Variants in IGSF11 observed in about 807,000 individuals in gnomAD.
IGSF11 encodes immunoglobulin superfamily member 11.
IGSF11 carries 22 observed loss-of-function variants against 41.0 expected under a neutral mutation model. The observed-to-expected ratio is 0.54, with a 90% CI of 0.38 to 0.77. The LOEUF is 0.77. IGSF11 is among the 30% of genes least tolerant of loss of function. The pLI, the probability that IGSF11 is intolerant of heterozygous loss-of-function variation, is 0.00. For synonymous variants in IGSF11, 219 were observed against 201.3 expected (o/e 1.09, Z -0.74); for missense variants, 444 against 530.8 (o/e 0.84, Z 1.61).
chr3:119,048,312 G>T (rs866032477), intron 1 of IGSF11, among the ~76,000 whole-genome samples: 11 of 151,456 alleles, frequency 7.3e-5, no homozygotes, highest in African/African-American at 2.7e-4. Context: ...ATGATAAAGG[G>T]GATATCACCA....
intron 1 of IGSF11, among the ~76,000 whole-genome samples, chr3:119,077,034 A>G (rs1223234587): frequency 6.6e-6 from 1 of 152,226 alleles, no homozygotes; most frequent in African/African-American, 2.4e-5. Flanking sequence ...GTCCACAATG[A>G]TAGACTGGAT....
chr3:118,998,625 T>C (rs1473956361), intron 1 of IGSF11, among the ~76,000 whole-genome samples: 1 of 152,090 alleles, frequency 6.6e-6, no homozygotes, highest in East Asian at 1.9e-4. Flanking sequence ...TATGTCATAT[T>C]TTACTGTATT....
chr3:119,037,585 C>T (rs1017525949), upstream of IGSF11, among the ~76,000 whole-genome samples: 22 of 152,134 alleles, frequency 1.4e-4, no homozygotes, highest in Admixed American at 1.3e-4. Flanking sequence ...GATGAGGAAT[C>T]CTGGTAGAAG....
At chr3:119,079,652 G>A (rs1387081670) in intron 1 of IGSF11, among the ~76,000 whole-genome samples, 1 of 152,192 alleles carries the variant, frequency 6.6e-6, no homozygotes, top group Non-Finnish European at 1.5e-5. Context: ...TCAATGGTGG[G>A]CTGGATAAAC....
intron 1 of IGSF11, among the ~76,000 whole-genome samples, chr3:119,029,235 AATACAC>A (rs1303917294): frequency 2.7e-5 from 2 of 74,188 alleles, no homozygotes; most frequent in African/African-American, 1.2e-4. Flanking sequence ...GCCTTTTGGG[AATACAC>A]ACACACACAC....
intron 1 of IGSF11, among the ~76,000 whole-genome samples, chr3:119,004,643 A>G (rs1263998528): frequency 6.8e-6 from 1 of 147,676 alleles, no homozygotes. Flanking sequence ...AATGTGTCCC[A>G]GAGATTCTGG....
At chr3:119,094,564 T>G (rs2076818462) in intron 1 of IGSF11, among the ~76,000 whole-genome samples, 4 of 151,728 alleles carry the variant, frequency 2.6e-5, no homozygotes, top group Admixed American at 2.6e-4. Context: ...AGAGAGAAAC[T>G]GCTGTGAGTG....
chr3:119,132,515 A>G (rs181879945), intron 1 of IGSF11, among the ~76,000 whole-genome samples: 14 of 152,308 alleles, frequency 9.2e-5, no homozygotes, highest in Admixed American at 7.8e-4. Context: ...TTCAACAGTA[A>G]GAGCTAACTA....
At chr3:119,024,223 T>C (rs991625992) in intron 1 of IGSF11, among the ~76,000 whole-genome samples, 6 of 152,210 alleles carry the variant, frequency 3.9e-5, no homozygotes, top group Non-Finnish European at 5.9e-5. Flanking sequence ...AAACTTGTCC[T>C]GTTCTGAGGA....
At chr3:118,947,281 A>G (rs544627322) in intron 1 of IGSF11, 53 of 152,312 alleles carry the variant, frequency 3.5e-4, no homozygotes, top group African/African-American at 1.1e-3. Flanking sequence ...CTAATTAACA[A>G]ACATAGAAGC....
chr3:119,049,520 C>T (rs1304905713), intron 1 of IGSF11, among the ~76,000 whole-genome samples: 2 of 152,068 alleles, frequency 1.3e-5, no homozygotes, highest in Non-Finnish European at 2.9e-5. Flanking sequence ...AATGGAAGAA[C>T]ATTCCATGCT....
At chr3:119,112,708 A>G (rs6809457) in intron 1 of IGSF11, 7,437 of 154,550 alleles carry the variant, frequency 0.048, 226 homozygotes, top group South Asian at 0.095. Flanking sequence ...GGAGCTGTAG[A>G]CCGGAGCTGT....
upstream of IGSF11, among the ~76,000 whole-genome samples, chr3:119,107,636 G>T (rs1460606779): frequency 6.6e-6 from 1 of 151,994 alleles, no homozygotes; most frequent in Non-Finnish European, 1.5e-5. Flanking sequence ...CATTGCTTTT[G>T]GTGTTTTAGA....
intron 1 of IGSF11, among the ~76,000 whole-genome samples, chr3:119,089,064 T>C (rs938047779): frequency 6.6e-6 from 1 of 152,156 alleles, no homozygotes; most frequent in Non-Finnish European, 1.5e-5. Context: ...GTAGGAGCTC[T>C]CCTGACTAAC....
At chr3:118,983,097 G>A (rs1330839453) in intron 1 of IGSF11, among the ~76,000 whole-genome samples, 2 of 152,158 alleles carry the variant, frequency 1.3e-5, no homozygotes, top group East Asian at 3.9e-4. Flanking sequence ...AACAGCTTAA[G>A]TCTGGCTCTA....
chr3:119,014,270 A>C (rs1294057705), intron 1 of IGSF11, among the ~76,000 whole-genome samples: 1 of 152,184 alleles, frequency 6.6e-6, no homozygotes, highest in African/African-American at 2.4e-5. Context: ...GTTACATCTT[A>C]CCCAGTCTGG....
At chr3:119,092,003 G>GGC (rs1559862370) in intron 1 of IGSF11, among the ~76,000 whole-genome samples, 3 of 132,564 alleles carry the variant, frequency 2.3e-5, no homozygotes, top group Non-Finnish European at 3.3e-5. Context: ...TGGGGGGGGG[G>GGC]GGTTGGTGGT....
chr3:118,935,829 T>C (rs1006817966), intron 1 of IGSF11, among the ~76,000 whole-genome samples: 12 of 152,140 alleles, frequency 7.9e-5, no homozygotes, highest in Non-Finnish European at 8.8e-5. Context: ...TGTATATAAA[T>C]TAAGATTTTC....
intron 1 of IGSF11, among the ~76,000 whole-genome samples, chr3:118,994,874 G>A (rs1936121229): frequency 2.0e-5 from 3 of 152,156 alleles, no homozygotes; most frequent in African/African-American, 7.2e-5. Context: ...CCTGAGCAGG[G>A]CTTTAAAGGA....
Sources: allele counts gnomAD v4.1 joint callset (sites outside exome capture counted in the v4.1 genomes callset), GRCh38; gene constraint gnomAD v4.1.1; transcripts MANE v1.5; gene names NCBI Gene and HGNC (gene_info 2026-07-23, HGNC 2026-07-21).